The following TCF4 variants were observed in gnomAD, a reference collection of about 807,000 sequenced individuals.
TCF4 encodes SL3-3 enhancer factor 2.
A neutral mutation model predicts 82.1 loss-of-function variants in TCF4; 3 were observed. The observed-to-expected ratio is 0.04, with a 90% CI of 0.02 to 0.09. The LOEUF is 0.09. Among genes scored for constraint, TCF4 ranks in the 10% least tolerant of loss-of-function variants. The pLI is 1.00. For synonymous variants in TCF4, 276 were observed against 309.6 expected, an observed-to-expected ratio of 0.89 and a Z score of 1.14; for missense variants, 518 against 852.7, an observed-to-expected ratio of 0.61 and a Z score of 4.89.
chr18:55,492,249 T>G (rs1011240739), intron 3 of TCF4: 6 of 152,208 alleles, frequency 3.9e-5, no homozygotes, highest in Non-Finnish European at 8.8e-5. Context: ...ATACCATGTC[T>G]CAGACTGTGC....
chr18:55,231,343 T>A (rs1267013186), intron 17 of TCF4: 1 of 152,232 alleles, frequency 6.6e-6, no homozygotes, highest in Non-Finnish European at 1.5e-5. Context: ...GAATTGGTTA[T>A]TCACTTACAA....
chr18:55,347,256 G>A (rs949112883), intron 8 of TCF4, among the ~76,000 whole-genome samples: 1 of 151,964 alleles, frequency 6.6e-6, no homozygotes, highest in Non-Finnish European at 1.5e-5. Context: ...ACTAAAATAC[G>A]AACCGAGAAG....
intron 3 of TCF4, among the ~76,000 whole-genome samples, chr18:55,557,191 C>T (rs2097311973): frequency 6.6e-6 from 1 of 152,108 alleles, no homozygotes; most frequent in Non-Finnish European, 1.5e-5. Flanking sequence ...TTATCCAAAT[C>T]GATGCTTAAA....
rs953961921 is a variant in TCF4 at position 55,471,523 on chromosome 18, C to A, written c.146-7386G>T. Among the ~76,000 whole-genome samples, 4 of 152,090 alleles carry A rather than the reference C, an allele frequency of 2.6e-5. No homozygotes were observed. The South Asian group carries it at 8.3e-4, about 32-fold the overall frequency. On this transcript the variant is annotated intron_variant, in intron 3 of 19. Coordinates refer to ENST00000354452, the MANE Select transcript of TCF4 (RefSeq NM_001083962.2). ...AGCTCTACTTTGCTTATGTGGACAG[C>A]AATCAAAACTATCAGACTAGAAAAA...
intron 3 of TCF4, among the ~76,000 whole-genome samples, chr18:55,506,555 AAC>A (rs145484547): frequency 1.9e-4 from 29 of 151,388 alleles, no homozygotes; most frequent in East Asian, 1.5e-3. Flanking sequence ...GTCCACATGC[AAC>A]ACACACACAC....
At chr18:55,321,765 T>A (rs2075549460) in intron 8 of TCF4, 1 of 1,526,086 alleles carries the variant, frequency 6.6e-7, no homozygotes, top group African/African-American at 1.4e-5. Flanking sequence ...TTCTCCTCAG[T>A]ACCACTCTAA....
chr18:55,511,458 A>G (rs969033243), intron 3 of TCF4, among the ~76,000 whole-genome samples: 2 of 152,062 alleles, frequency 1.3e-5, no homozygotes, highest in African/African-American at 4.8e-5. Flanking sequence ...TCACATAGCA[A>G]AAGTACCAAA....
At chr18:55,292,005 G>C (rs188180235) in intron 8 of TCF4, among the ~76,000 whole-genome samples, 4 of 152,296 alleles carry the variant, frequency 2.6e-5, no homozygotes, top group Admixed American at 2.6e-4. Context: ...GGAGGTGAAA[G>C]ATGAATTAAG....
chr18:55,591,615 T>C (rs2097685463), upstream of TCF4, among the ~76,000 whole-genome samples: 2 of 152,198 alleles, frequency 1.3e-5, no homozygotes, highest in Non-Finnish European at 2.9e-5. Context: ...CCTCCCAGGT[T>C]CAAGCGATTC....
chr18:55,635,505 T>C (rs2097735453), intron 1 of TCF4, among the ~76,000 whole-genome samples: 1 of 143,066 alleles, frequency 7.0e-6, no homozygotes, highest in South Asian at 2.2e-4. Flanking sequence ...TGAGGCCCTG[T>C]CTCAAAAAAA....
chr18:55,362,391 A>C (rs1251497937), intron 6 of TCF4, among the ~76,000 whole-genome samples: 3 of 103,952 alleles, frequency 2.9e-5, no homozygotes, highest in Admixed American at 9.3e-5. Context: ...GGAAGGAAGG[A>C]AAGAAGGAAG....
chr18:55,247,874 T>C (rs572879368), intron 15 of TCF4, among the ~76,000 whole-genome samples: 2 of 152,312 alleles, frequency 1.3e-5, no homozygotes, highest in Non-Finnish European at 2.9e-5. Context: ...ATAAGGACTG[T>C]AGAAAAAAGC....
intron 2 of TCF4, among the ~76,000 whole-genome samples, chr18:55,626,744 A>G (rs375132555): frequency 6.6e-6 from 1 of 152,342 alleles, no homozygotes; most frequent in East Asian, 1.9e-4. Context: ...ACCAGCATCC[A>G]TCTGGAAAAT....
At chr18:55,593,851 GA>G (rs761302219) in intron 2 of TCF4, among the ~76,000 whole-genome samples, 1 of 152,118 alleles carries the variant, frequency 6.6e-6, no homozygotes, top group Non-Finnish European at 1.5e-5. Context: ...AAATCAGAAT[GA>G]AATAAATGTC....
At chr18:55,461,203 C>CT (rs2144783122) in intron 4 of TCF4, 88 bp from the exon 5 acceptor site, 1 of 1,129,596 alleles carries the variant, frequency 8.9e-7, no homozygotes, top group Non-Finnish European at 1.3e-6. Context: ...AACTTCTCCC[C>CT]TCCAAAGAAA....
chr18:55,227,676 A>AAT lies in TCF4; in HGVS notation c.*358_*359insAT, dbSNP rs2046768414. 6.6e-6 allele frequency: 1 copy of AAT among 151,752 alleles called. No homozygotes were observed. The highest frequency in any genetic ancestry group is 1.5e-5 in the Non-Finnish European group (1 of 67,774). 9.4% of individuals were successfully genotyped at this position (151,752 alleles called of 1,614,324 possible). Reference sequence around the variant, plus strand: ...TTTTTTTCAGACTTACAAATTAATTATATTTTTTTTTTCCAAAAGAAGTTT... The same window carrying AAT: ...TTTTTTTCAGACTTACAAATTAATTAATTATTTTTTTTTTCCAAAAGAAGTTT... On this transcript the variant is annotated 3_prime_UTR_variant, in exon 20 of 20. Coordinates refer to ENST00000354452, the MANE Select transcript of TCF4 (RefSeq NM_001083962.2).
At chr18:55,373,061 T>A (rs1488650351) in intron 6 of TCF4, among the ~76,000 whole-genome samples, 1 of 152,096 alleles carries the variant, frequency 6.6e-6, no homozygotes, top group Non-Finnish European at 1.5e-5. Context: ...AAAATTAAAC[T>A]ATGTTTATTT....
At chr18:55,294,214 C>T (rs1479362833) in intron 8 of TCF4, among the ~76,000 whole-genome samples, 1 of 150,676 alleles carries the variant, frequency 6.6e-6, no homozygotes, top group Non-Finnish European at 1.5e-5. Context: ...GAGCCGTGAT[C>T]GCGCCACTGC....
At chr18:55,557,962 G>A (rs1230900158) in intron 3 of TCF4, among the ~76,000 whole-genome samples, 1 of 152,058 alleles carries the variant, frequency 6.6e-6, no homozygotes, top group East Asian at 1.9e-4. Flanking sequence ...GCCAGAACTT[G>A]GGGAGACCAA....
Sources: gnomAD v4.1 joint callset for allele counts (sites outside exome capture counted in the v4.1 genomes callset) on GRCh38, gnomAD v4.1.1 for gene constraint, MANE v1.5 for transcripts, NCBI Gene and HGNC (gene_info 2026-07-23, HGNC 2026-07-21) for gene names.